SLC5A4: variants seen among roughly 807,000 people sequenced by gnomAD.
The protein encoded by SLC5A4 is probable glucose sensor protein SLC5A4.
In SLC5A4, 55 loss-of-function variants were observed where a neutral mutation model predicts 70.3. That is an observed-to-expected ratio of 0.78 (90% CI 0.63 to 0.98). The LOEUF is 0.98. Ranked by LOEUF, SLC5A4 falls within the 50% of genes least tolerant of loss-of-function variation. The pLI is 0.00. For missense variants in SLC5A4, 735 were observed against 839.2 expected (o/e 0.88, Z 1.53); for synonymous variants, 268 against 305.7 (o/e 0.88, Z 1.29).
intron 3 of SLC5A4, among the ~76,000 whole-genome samples, chr22:32,249,545 A>G (rs977037920): frequency 6.6e-6 from 1 of 152,190 alleles, no homozygotes; most frequent in African/African-American, 2.4e-5. Context: ...CCTGGATACT[A>G]CTGAAGTAAA....
chr22:32,307,421 T>C, the SLC5A4 span, among the ~76,000 whole-genome samples: 24 of 152,282 alleles, frequency 1.6e-4, no homozygotes, highest in Non-Finnish European at 2.9e-4. Flanking sequence ...AGTGTGTCCG[T>C]TAGGCACAAA....
chr22:32,334,545 C>T, the SLC5A4 span, among the ~76,000 whole-genome samples: 2 of 152,218 alleles, frequency 1.3e-5, no homozygotes, highest in Admixed American at 6.5e-5. Context: ...CTGCTGTGAG[C>T]TGTGTGGTAG....
intron 3 of SLC5A4, among the ~76,000 whole-genome samples, chr22:32,249,970 T>G (rs927870136): frequency 4.6e-5 from 7 of 152,202 alleles, no homozygotes; most frequent in African/African-American, 1.2e-4. Flanking sequence ...AGATAATTCT[T>G]CTTCTTCTAG....
At chr22:32,333,816 C>A in the SLC5A4 span, among the ~76,000 whole-genome samples, 1 of 150,914 alleles carries the variant, frequency 6.6e-6, no homozygotes, top group East Asian at 1.9e-4. Context: ...CACAATATCA[C>A]ACACACACAC....
chr22:32,248,208 G>A (rs1168970116), intron 4 of SLC5A4, among the ~76,000 whole-genome samples: 1 of 152,180 alleles, frequency 6.6e-6, no homozygotes, highest in South Asian at 2.1e-4. Context: ...ATGAATGCCT[G>A]ACAGATTTAC....
chr22:32,327,789 T>C, the SLC5A4 span, among the ~76,000 whole-genome samples: 1 of 152,174 alleles, frequency 6.6e-6, no homozygotes, highest in African/African-American at 2.4e-5. Context: ...TCTCAGGGGA[T>C]GTCAGTCCAC....
At chr22:32,283,522 G>C in the SLC5A4 span, among the ~76,000 whole-genome samples, 3 of 152,198 alleles carry the variant, frequency 2.0e-5, no homozygotes, top group Non-Finnish European at 4.4e-5. Context: ...TGCATTGTTT[G>C]CCAATTCCCA....
At chr22:32,305,025 A>G in the SLC5A4 span, among the ~76,000 whole-genome samples, 4 of 152,162 alleles carry the variant, frequency 2.6e-5, no homozygotes, top group African/African-American at 9.7e-5. Context: ...GTCAAAGATC[A>G]GTTGACTATT....
At chr22:32,329,458 T>C in the SLC5A4 span, among the ~76,000 whole-genome samples, 3 of 151,440 alleles carry the variant, frequency 2.0e-5, no homozygotes, top group African/African-American at 4.9e-5. Context: ...TAGCAAAATA[T>C]CTTGCTGGGC....
chr22:32,267,098 A>AT, the SLC5A4 span, among the ~76,000 whole-genome samples: 3 of 152,238 alleles, frequency 2.0e-5, no homozygotes, highest in Non-Finnish European at 2.9e-5. Flanking sequence ...TTCAATCCTG[A>AT]TCCCAAATCT....
the SLC5A4 span, among the ~76,000 whole-genome samples, chr22:32,303,865 A>G: frequency 3.7e-4 from 57 of 152,292 alleles, no homozygotes; most frequent in African/African-American, 1.3e-3. Context: ...TTTGTTTTGT[A>G]AGAAACTGCC....
At chr22:32,353,578 G>A in the SLC5A4 span, among the ~76,000 whole-genome samples, 6 of 152,132 alleles carry the variant, frequency 3.9e-5, no homozygotes, top group South Asian at 1.2e-3. Context: ...AGCACCAGGG[G>A]GGCAGCGCAG....
Position 32,218,483 on chromosome 22 carries a change from T to C in SLC5A4, c.*31A>G, listed in dbSNP as rs952244859. The C allele has an allele frequency of 3.2e-6, 4 of 1,267,392 alleles. No individual in the cohort carries two copies. In the Admixed American group the frequency reaches 8.5e-5, roughly 27 times the overall value. 78.5% of individuals were successfully genotyped at this position (1,267,392 alleles called of 1,614,324 possible). A position where few individuals can be genotyped will look rare whatever the true frequency, so the allele number is the denominator to read the frequency against. On this transcript the variant is annotated 3_prime_UTR_variant, in exon 15 of 15. Transcript: ENST00000266086. ...TTATCCTTTGGTTCATTATTAAGAA[T>C]TATTCATTATTCTAATGGCTCAGAT...
intron 5 of SLC5A4, among the ~76,000 whole-genome samples, chr22:32,245,904 C>T (rs775885498): frequency 6.6e-6 from 1 of 152,190 alleles, no homozygotes; most frequent in Non-Finnish European, 1.5e-5. Context: ...ATTTAAGAGA[C>T]GTGTGAACTC....
chr22:32,323,634 G>A, the SLC5A4 span, among the ~76,000 whole-genome samples: 3 of 152,356 alleles, frequency 2.0e-5, no homozygotes, highest in Admixed American at 6.5e-5. Flanking sequence ...GGGGCTGAGG[G>A]AAGAGGGACA....
At chr22:32,248,581 A>G (rs1401130991) in intron 4 of SLC5A4, among the ~76,000 whole-genome samples, 162 bp downstream of exon 4, 2 of 152,152 alleles carry the variant, frequency 1.3e-5, no homozygotes, top group African/African-American at 4.8e-5. Flanking sequence ...ATTTTAGTCC[A>G]TCAGGAAGAT....
At chr22:32,261,591 G>T in the SLC5A4 span, among the ~76,000 whole-genome samples, 1 of 152,210 alleles carries the variant, frequency 6.6e-6, no homozygotes, top group African/African-American at 2.4e-5. Flanking sequence ...AGACAGATAA[G>T]GTTGGCATAC....
the SLC5A4 span, among the ~76,000 whole-genome samples, chr22:32,329,848 GTT>G: frequency 8.4e-5 from 4 of 47,468 alleles, no homozygotes; most frequent in Admixed American, 2.7e-4. Context: ...GTGTGTGTGT[GTT>G]GGGGGCTCTG....
intron 8 of SLC5A4, among the ~76,000 whole-genome samples, chr22:32,234,140 G>C (rs1381703162): frequency 1.3e-5 from 2 of 152,100 alleles, no homozygotes; most frequent in African/African-American, 2.4e-5. Flanking sequence ...AATCACTTGG[G>C]GATCAAGTTA....
Sources: allele counts gnomAD v4.1 joint callset (sites outside exome capture counted in the v4.1 genomes callset), GRCh38; gene constraint gnomAD v4.1.1; transcripts MANE v1.5; gene names NCBI Gene and HGNC (gene_info 2026-07-23, HGNC 2026-07-21).